NKAIN2: variants seen among roughly 807,000 people sequenced by gnomAD.
The protein encoded by NKAIN2 is sodium/potassium transporting ATPase interacting 2, also known as sodium/potassium-transporting ATPase subunit beta-1-interacting protein 2.
In NKAIN2, 14 loss-of-function variants were observed where a neutral mutation model predicts 32.6. The observed-to-expected ratio is 0.43, with a 90% CI of 0.28 to 0.67. The LOEUF is 0.67. Among genes scored for constraint, NKAIN2 ranks in the 30% least tolerant of loss-of-function variants. The probability of loss-of-function intolerance (pLI) is 0.17; values close to 1 mark genes in which losing one functional copy is unlikely to be tolerated. For synonymous variants in NKAIN2, 80 were observed against 87.2 expected (o/e 0.92, Z 0.46); for missense variants, 198 against 258.3 (o/e 0.77, Z 1.60).
intron 1 of NKAIN2, among the ~76,000 whole-genome samples, chr6:124,132,538 G>A (rs1307007102): frequency 1.3e-5 from 2 of 152,170 alleles, no homozygotes; most frequent in East Asian, 3.9e-4. Flanking sequence ...GAATAACACT[G>A]GTCCCGGGAA....
chr6:124,780,337 C>G (rs954520676), intron 4 of NKAIN2, among the ~76,000 whole-genome samples: 9 of 152,106 alleles, frequency 5.9e-5, no homozygotes, highest in African/African-American at 1.9e-4. Flanking sequence ...AGGTATTTCT[C>G]AGGGTGCTAT....
Position 123,944,783 on chromosome 6 carries a change from C to G in NKAIN2, c.54+140529C>G, listed in dbSNP as rs138288363. 2.6e-5 allele frequency among the ~76,000 whole-genome samples: 4 copies of G among 152,084 alleles called. No individual in the cohort carries two copies. In the East Asian group the frequency reaches 7.7e-4, roughly 29 times the overall value. On this transcript the variant is annotated intron_variant, in intron 1 of 6. Coordinates refer to ENST00000368417, the MANE Select transcript of NKAIN2 (RefSeq NM_001040214.3). ...TTTTTTTTTATTCAGTAGCAACTTC[C>G]AAGCATTATTTCCCATTCTTTTGAA...
intron 3 of NKAIN2, among the ~76,000 whole-genome samples, chr6:124,624,851 A>G (rs1465874772): frequency 3.3e-5 from 5 of 152,260 alleles, no homozygotes; most frequent in Admixed American, 6.5e-5. Context: ...GCAAATGGTT[A>G]TAAGTTATTT....
chr6:124,227,954 G>A (rs1792210222), intron 1 of NKAIN2, among the ~76,000 whole-genome samples: 1 of 152,150 alleles, frequency 6.6e-6, no homozygotes, highest in African/African-American at 2.4e-5. Context: ...TTGGAAATCA[G>A]GGTGCTAGCA....
chr6:124,048,550 A>T (rs1782251927), intron 1 of NKAIN2, among the ~76,000 whole-genome samples: 1 of 152,062 alleles, frequency 6.6e-6, no homozygotes. Flanking sequence ...TAGTATCAGT[A>T]AACATTCCTT....
At chr6:124,523,098 G>C (rs525181) in intron 3 of NKAIN2, among the ~76,000 whole-genome samples, 40,409 of 57,366 alleles carry the variant, frequency 0.7, 15,205 homozygotes, top group East Asian at 0.99. Context: ...AGCCGAGATC[G>C]CGCCACAGCA....
intron 4 of NKAIN2, among the ~76,000 whole-genome samples, chr6:124,697,812 C>T (rs1583665765): frequency 1.3e-5 from 2 of 152,212 alleles, no homozygotes; most frequent in South Asian, 4.1e-4. Flanking sequence ...AAGAAGAATT[C>T]AGGGTTTCAT....
intron 2 of NKAIN2, among the ~76,000 whole-genome samples, chr6:124,311,422 G>A (rs545597100): frequency 4.6e-5 from 7 of 152,056 alleles, no homozygotes; most frequent in Non-Finnish European, 7.4e-5. Flanking sequence ...GTGGCCATGC[G>A]CTCACATGCT....
chr6:124,386,718 A>G (rs1300582194), intron 3 of NKAIN2, among the ~76,000 whole-genome samples: 4 of 152,150 alleles, frequency 2.6e-5, no homozygotes, highest in Non-Finnish European at 5.9e-5. Context: ...ATCCTCTTCA[A>G]TTAGGGCATG....
chr6:123,910,870 A>C (rs963800207), intron 1 of NKAIN2, among the ~76,000 whole-genome samples: 1 of 152,070 alleles, frequency 6.6e-6, no homozygotes, highest in Non-Finnish European at 1.5e-5. Context: ...ATATGATTAC[A>C]AGAAAATAAC....
intron 4 of NKAIN2, among the ~76,000 whole-genome samples, chr6:124,758,136 G>C (rs942133200): frequency 6.6e-6 from 1 of 152,050 alleles, no homozygotes; most frequent in Non-Finnish European, 1.5e-5. Flanking sequence ...CTCAGCTTTA[G>C]ACTCCAGTTC....
chr6:123,888,223 A>G (rs1273543555), intron 1 of NKAIN2, among the ~76,000 whole-genome samples: 1 of 152,120 alleles, frequency 6.6e-6, no homozygotes, highest in African/African-American at 2.4e-5. Context: ...TTACTAATTT[A>G]ATATAAAGGA....
At chr6:123,850,357 T>A (rs76741126) in intron 1 of NKAIN2, among the ~76,000 whole-genome samples, 1,480 of 66,916 alleles carry the variant, frequency 0.022, 12 homozygotes, top group Admixed American at 0.036. Flanking sequence ...AAAAAAAAAA[T>A]ATATATATAT....
At chr6:124,530,718 G>A (rs1338717945) in intron 3 of NKAIN2, among the ~76,000 whole-genome samples, 1 of 152,184 alleles carries the variant, frequency 6.6e-6, no homozygotes, top group Non-Finnish European at 1.5e-5. Context: ...CCTGAAAATG[G>A]TGGGAGCTGC....
chr6:124,709,846 T>G (rs1379855939), intron 4 of NKAIN2, among the ~76,000 whole-genome samples: 16 of 151,472 alleles, frequency 1.1e-4, no homozygotes, highest in Admixed American at 1.1e-3. Context: ...TCTGCTCTGA[T>G]TTTAGTTATT....
At chr6:123,883,925 GTC>G (rs1194031065) in intron 1 of NKAIN2, among the ~76,000 whole-genome samples, 2 of 143,096 alleles carry the variant, frequency 1.4e-5, no homozygotes, top group African/African-American at 2.6e-5. Flanking sequence ...AAATTACCTA[GTC>G]TCAGGTATTA....
chr6:124,261,733 A>C (rs1011487583), intron 1 of NKAIN2, among the ~76,000 whole-genome samples: 2 of 152,066 alleles, frequency 1.3e-5, no homozygotes, highest in African/African-American at 4.8e-5. Context: ...TGTGGCGTGC[A>C]CCTGTAATCC....
intron 1 of NKAIN2, among the ~76,000 whole-genome samples, chr6:124,027,669 G>A (rs1330257532): frequency 1.3e-5 from 2 of 152,022 alleles, no homozygotes; most frequent in South Asian, 2.1e-4. Context: ...ATTATCCATC[G>A]CTTTTGATAC....
At chr6:124,821,557 T>C (rs1307179405) in intron 6 of NKAIN2, among the ~76,000 whole-genome samples, 1 of 152,076 alleles carries the variant, frequency 6.6e-6, no homozygotes, top group African/African-American at 2.4e-5. Flanking sequence ...GATATCTTTG[T>C]CCAGAATTAA....
Sources: gnomAD v4.1 joint callset for allele counts (sites outside exome capture counted in the v4.1 genomes callset) on GRCh38, gnomAD v4.1.1 for gene constraint, MANE v1.5 for transcripts, NCBI Gene and HGNC (gene_info 2026-07-23, HGNC 2026-07-21) for gene names.